Variants in KHDRBS2 observed in about 807,000 individuals in gnomAD.
KHDRBS2 encodes KH RNA binding domain containing, signal transduction associated 2, also known as KH domain-containing, RNA-binding, signal transduction-associated protein 2.
KHDRBS2 carries 26 observed loss-of-function variants against 44.3 expected under a neutral mutation model. That is an observed-to-expected ratio of 0.59 (90% CI 0.43 to 0.81). The LOEUF (loss-of-function observed/expected upper bound fraction) is 0.81. Ranked by LOEUF, KHDRBS2 falls within the 40% of genes least tolerant of loss-of-function variation. KHDRBS2 has a pLI of 0.00. For missense variants in KHDRBS2, 476 were observed against 433.1 expected (o/e 1.10, Z -0.88); for synonymous variants, 194 against 151.1 (o/e 1.28, Z -2.08).
intron 4 of KHDRBS2, among the ~76,000 whole-genome samples, chr6:61,959,842 T>A (rs1374005041): frequency 2.0e-5 from 3 of 152,184 alleles, no homozygotes; most frequent in Non-Finnish European, 2.9e-5. Flanking sequence ...ATATTAAATA[T>A]GCTTAAATGC....
At chr6:61,591,652 G>C in the KHDRBS2 span, among the ~76,000 whole-genome samples, 1 of 152,128 alleles carries the variant, frequency 6.6e-6, no homozygotes, top group African/African-American at 2.4e-5. Context: ...ACCAGATCAG[G>C]GTCCACAGAA....
At chr6:61,659,133 A>C in the KHDRBS2 span, 1 of 151,840 alleles carries the variant, frequency 6.6e-6, no homozygotes, top group Admixed American at 6.6e-5. Context: ...TCAAATCCAA[A>C]TTATCTTCTT....
At chr6:62,053,528 G>T (rs923826192) in intron 2 of KHDRBS2, among the ~76,000 whole-genome samples, 2 of 151,824 alleles carry the variant, frequency 1.3e-5, no homozygotes, top group African/African-American at 2.4e-5. Flanking sequence ...TGAATAAAAA[G>T]GCTAGCATTT....
intron 3 of KHDRBS2, among the ~76,000 whole-genome samples, chr6:61,990,615 T>G (rs1030991126): frequency 1.3e-5 from 2 of 152,138 alleles, no homozygotes; most frequent in East Asian, 3.9e-4. Flanking sequence ...ATAAGAAGAA[T>G]AACATCTTCT....
intron 6 of KHDRBS2, among the ~76,000 whole-genome samples, chr6:61,843,818 T>C (rs1056177761): frequency 1.4e-4 from 22 of 152,226 alleles, no homozygotes; most frequent in African/African-American, 4.6e-4. Context: ...CTATTGTGCA[T>C]TTTTATCAAA....
chr6:62,143,674 T>G (rs970197706), intron 2 of KHDRBS2, among the ~76,000 whole-genome samples: 2 of 135,960 alleles, frequency 1.5e-5, no homozygotes, highest in African/African-American at 5.8e-5. Context: ...TATTCTCTCC[T>G]GGCTAAGTCT....
chr6:61,883,690 AT>A (rs1257826320), intron 6 of KHDRBS2, among the ~76,000 whole-genome samples: 1 of 152,042 alleles, frequency 6.6e-6, no homozygotes, highest in Non-Finnish European at 1.5e-5. Context: ...ACCTTTTTCC[AT>A]TCTATGAATA....
intron 4 of KHDRBS2, among the ~76,000 whole-genome samples, chr6:61,917,664 A>G (rs1302080956): frequency 1.3e-5 from 2 of 151,932 alleles, no homozygotes; most frequent in African/African-American, 4.8e-5. Context: ...GTGTCAATGT[A>G]TTTCACTGAT....
At chr6:62,178,846 ATAGAACAAAACATTATACT>A (rs1821677291) in intron 1 of KHDRBS2, among the ~76,000 whole-genome samples, 1 of 151,578 alleles carries the variant, frequency 6.6e-6, no homozygotes, top group African/African-American at 2.4e-5. Flanking sequence ...TTTGCTATGG[ATAGAACAAAACATTATACT>A]TTTGTTATTT....
the KHDRBS2 span, among the ~76,000 whole-genome samples, chr6:61,634,415 C>T: frequency 1.3e-5 from 2 of 152,026 alleles, no homozygotes; most frequent in Non-Finnish European, 2.9e-5. Context: ...TAAAAGCATT[C>T]TTACTGGACT....
chr6:62,128,902 A>T (rs879514065), intron 2 of KHDRBS2, among the ~76,000 whole-genome samples: 2 of 152,094 alleles, frequency 1.3e-5, no homozygotes, highest in Non-Finnish European at 2.9e-5. Flanking sequence ...TAACATGATT[A>T]TAATTACTTT....
chr6:61,819,735 A>G (rs1182455926), intron 6 of KHDRBS2, among the ~76,000 whole-genome samples: 1 of 152,062 alleles, frequency 6.6e-6, no homozygotes, highest in Non-Finnish European at 1.5e-5. Flanking sequence ...AAATAAACAA[A>G]TGAACATGAT....
chr6:61,869,975 T>G (rs866760633), intron 6 of KHDRBS2, among the ~76,000 whole-genome samples: 1 of 96,066 alleles, frequency 1.0e-5, no homozygotes, highest in South Asian at 3.2e-4. Flanking sequence ...TTTTTTTTTT[T>G]TTTTTTTTTT....
chr6:62,071,772 C>T (rs138507997), intron 2 of KHDRBS2, among the ~76,000 whole-genome samples: 3,454 of 152,100 alleles, frequency 0.023, 133 homozygotes, highest in African/African-American at 0.076. Flanking sequence ...AGTCAGGTAG[C>T]GTGATGCCTC....
At chr6:61,827,020 C>T (rs1790985944) in intron 6 of KHDRBS2, among the ~76,000 whole-genome samples, 1 of 152,178 alleles carries the variant, frequency 6.6e-6, no homozygotes, top group Admixed American at 6.5e-5. Context: ...ATTATATCAA[C>T]TGTTTACTTC....
At chr6:61,674,360 T>G in the KHDRBS2 span, among the ~76,000 whole-genome samples, 1 of 151,832 alleles carries the variant, frequency 6.6e-6, no homozygotes, top group Non-Finnish European at 1.5e-5. Flanking sequence ...TTTATTCAGT[T>G]AGAAAACTCC....
intron 3 of KHDRBS2, among the ~76,000 whole-genome samples, chr6:61,993,163 G>C (rs1776457209): frequency 6.6e-6 from 1 of 152,096 alleles, no homozygotes; most frequent in Non-Finnish European, 1.5e-5. Flanking sequence ...GCAAAGGCCT[G>C]GATATAGGCT....
At chr6:62,081,661 T>C (rs1000618192) in intron 2 of KHDRBS2, among the ~76,000 whole-genome samples, 27 of 152,262 alleles carry the variant, frequency 1.8e-4, no homozygotes, top group Non-Finnish European at 3.2e-4. Flanking sequence ...TTCAAAGAGT[T>C]ATTCAAACCA....
intron 2 of KHDRBS2, among the ~76,000 whole-genome samples, chr6:62,109,044 A>G (rs1804324325): frequency 1.3e-5 from 2 of 151,854 alleles, no homozygotes; most frequent in Non-Finnish European, 2.9e-5. Context: ...ACATGTATAC[A>G]TATGTAACTA....
Sources: gnomAD v4.1 joint callset for allele counts (sites outside exome capture counted in the v4.1 genomes callset) on GRCh38, gnomAD v4.1.1 for gene constraint, MANE v1.5 for transcripts, NCBI Gene and HGNC (gene_info 2026-07-23, HGNC 2026-07-21) for gene names.